CTNNA3: variants seen among roughly 807,000 people sequenced by gnomAD.
CTNNA3 encodes the protein catenin alpha-3.
In CTNNA3, 76 loss-of-function variants were observed where a neutral mutation model predicts 95.7. The observed-to-expected ratio is 0.79, with a 90% CI of 0.66 to 0.96. The LOEUF is 0.96. CTNNA3 is among the 40% of genes least tolerant of loss of function. The pLI, the probability that CTNNA3 is intolerant of heterozygous loss-of-function variation, is 0.00. For synonymous variants in CTNNA3, 431 were observed against 374.4 expected (o/e 1.15, Z -1.74); for missense variants, 1,191 against 1,089.8 (o/e 1.09, Z -1.31).
At chr10:66,473,666 T>TC (rs577015236) in intron 11 of CTNNA3, among the ~76,000 whole-genome samples, 80 of 151,986 alleles carry the variant, frequency 5.3e-4, no homozygotes, top group African/African-American at 1.8e-3. Context: ...CCCTCCTGCC[T>TC]CCCCCCACTC....
At chr10:66,896,693 C>A (rs1916381) in intron 7 of CTNNA3, among the ~76,000 whole-genome samples, 1 of 152,020 alleles carries the variant, frequency 6.6e-6, no homozygotes, top group Non-Finnish European at 1.5e-5. Context: ...TCACCAGTCA[C>A]GGCCTTCCTC....
At chr10:66,711,150 A>G (rs996560390) in intron 9 of CTNNA3, among the ~76,000 whole-genome samples, 16 of 151,702 alleles carry the variant, frequency 1.1e-4, no homozygotes, top group Non-Finnish European at 1.5e-5. Context: ...CAAATCTCAA[A>G]CTGATTTGTT....
At chr10:66,949,368 C>A (rs1447409375) in intron 7 of CTNNA3, among the ~76,000 whole-genome samples, 4 of 151,948 alleles carry the variant, frequency 2.6e-5, no homozygotes, top group Non-Finnish European at 5.9e-5. Flanking sequence ...ACCAGCCTGA[C>A]CAACATGGAG....
intron 10 of CTNNA3, among the ~76,000 whole-genome samples, chr10:66,538,847 A>G (rs1841746779): frequency 6.6e-6 from 1 of 152,192 alleles, no homozygotes; most frequent in African/African-American, 2.4e-5. Context: ...TTTTAGAGAC[A>G]GTTAATGTAT....
At chr10:67,007,284 A>G (rs186879006) in intron 7 of CTNNA3, among the ~76,000 whole-genome samples, 1 of 152,256 alleles carries the variant, frequency 6.6e-6, no homozygotes, top group Admixed American at 6.5e-5. Context: ...GGAATTAACA[A>G]ATTGGCTCTT....
intron 15 of CTNNA3, among the ~76,000 whole-genome samples, chr10:65,997,494 C>T (rs2078688158): frequency 6.6e-6 from 1 of 152,084 alleles, no homozygotes; most frequent in Non-Finnish European, 1.5e-5. Flanking sequence ...CCCCTCCCAC[C>T]CTTTGATCTG....
In CTNNA3 at chr10:65,938,724, G is replaced by T. The variant is rs139376002; in HGVS notation, c.2401-18107C>A. ...GAAGCCTATAAGGCATCTTTGGCAG[G>T]TGGCATAACAGTTTAGCATTGAGTT... On this transcript the variant is annotated intron_variant, in intron 17 of 17. Coordinates refer to ENST00000433211, the MANE Select transcript of CTNNA3 (RefSeq NM_013266.4). Among the ~76,000 whole-genome samples, 612 of 152,180 alleles carry T rather than the reference G, an allele frequency of 4.0e-3. 2 individuals are homozygous for T. Among genetic ancestry groups the T allele is most frequent in the Admixed American group, 8.6e-3 (131 of 15,290 alleles).
At chr10:66,283,297 A>G (rs555060098) in intron 12 of CTNNA3, among the ~76,000 whole-genome samples, 1 of 151,958 alleles carries the variant, frequency 6.6e-6, no homozygotes, top group South Asian at 2.1e-4. Flanking sequence ...TCGGCTACAT[A>G]ACTTTATTCA....
intron 9 of CTNNA3, among the ~76,000 whole-genome samples, chr10:66,732,906 A>T (rs1364177157): frequency 6.6e-6 from 1 of 151,934 alleles, no homozygotes; most frequent in Non-Finnish European, 1.5e-5. Context: ...AGTGATTCTC[A>T]TGCCTCAGCC....
Position 66,945,710 on chromosome 10 carries a change from T to C in CTNNA3, c.1048-170186A>G, listed in dbSNP as rs551636236. On this transcript the variant is annotated intron_variant, in intron 7 of 17. Transcript: ENST00000433211. ...AACATGCCTTCCTCATTAAGCTTTA[T>C]CATTTTTATCTTTTGATTTCAAGTG... Among the ~76,000 whole-genome samples the C allele has an allele frequency of 7.2e-5, 11 of 152,322 alleles. No homozygotes were observed. In the South Asian group the frequency reaches 2.1e-3, roughly 29 times the overall value.
intron 11 of CTNNA3, among the ~76,000 whole-genome samples, chr10:66,412,814 T>C (rs966940779): frequency 4.6e-5 from 7 of 150,562 alleles, no homozygotes; most frequent in African/African-American, 1.5e-4. Context: ...GTTCCTGGAA[T>C]ATTATTTGGT....
At chr10:66,474,133 T>C (rs1839236627) in intron 11 of CTNNA3, among the ~76,000 whole-genome samples, 1 of 152,072 alleles carries the variant, frequency 6.6e-6, no homozygotes, top group Non-Finnish European at 1.5e-5. Context: ...TTAATCATAG[T>C]CACCCGTCTG....
chr10:67,577,830 A>C (rs2133307736), intron 3 of CTNNA3, among the ~76,000 whole-genome samples: 1 of 151,360 alleles, frequency 6.6e-6, no homozygotes, highest in South Asian at 2.1e-4. Context: ...AAGTGAAGGT[A>C]TCTTTTTTAT....
intron 7 of CTNNA3, among the ~76,000 whole-genome samples, chr10:66,866,444 T>C (rs893164421): frequency 2.0e-5 from 3 of 152,234 alleles, no homozygotes; most frequent in Non-Finnish European, 2.9e-5. Flanking sequence ...TTTTATTTTG[T>C]GCAACTTTTG....
intron 11 of CTNNA3, among the ~76,000 whole-genome samples, chr10:66,447,544 T>C (rs2093431838): frequency 6.6e-6 from 1 of 151,820 alleles, no homozygotes; most frequent in African/African-American, 2.4e-5. Flanking sequence ...CTCTGATCTT[T>C]GACAAACCTG....
chr10:67,123,422 C>T (rs2131998974), intron 7 of CTNNA3, among the ~76,000 whole-genome samples: 1 of 152,212 alleles, frequency 6.6e-6, no homozygotes, highest in East Asian at 1.9e-4. Context: ...GTCAATTCAC[C>T]ACTGCAGCAT....
chr10:66,404,239 A>C (rs1196488039), intron 11 of CTNNA3, among the ~76,000 whole-genome samples: 9 of 152,090 alleles, frequency 5.9e-5, no homozygotes. Context: ...CCCATAACCT[A>C]AATCCTTGAC....
chr10:66,205,577 C>A (rs2131932505), intron 13 of CTNNA3, among the ~76,000 whole-genome samples: 1 of 151,850 alleles, frequency 6.6e-6, no homozygotes, highest in African/African-American at 2.4e-5. Flanking sequence ...ATTGTGTATG[C>A]AAGGTAGGAA....
Position 67,407,071 on chromosome 10 carries a change from G to T in CTNNA3, c.579+114771C>A, listed in dbSNP as rs190487423. On this transcript the variant is annotated intron_variant, in intron 5 of 17. Transcript: ENST00000433211. ...GACTCCCCCATAACCCATTCTATGAGGCCAGCATCATCCTGATACTAACAC... is the reference window on the plus strand; with the variant it reads ...GACTCCCCCATAACCCATTCTATGATGCCAGCATCATCCTGATACTAACAC... Among the ~76,000 whole-genome samples, 3 of 152,240 alleles carry T rather than the reference G, an allele frequency of 2.0e-5. 1 individual carries two copies. Among genetic ancestry groups the T allele is most frequent in the African/African-American group, 7.2e-5 (3 of 41,548 alleles).
Sources: gnomAD v4.1 joint callset for allele counts (sites outside exome capture counted in the v4.1 genomes callset) on GRCh38, gnomAD v4.1.1 for gene constraint, MANE v1.5 for transcripts, NCBI Gene and HGNC (gene_info 2026-07-23, HGNC 2026-07-21) for gene names.